Variants in TJP1 observed in about 807,000 individuals in gnomAD.
TJP1 encodes the protein tight junction protein 1, also known as tight junction protein ZO-1.
In TJP1, 43 loss-of-function variants were observed where a neutral mutation model predicts 194.2. That is an observed-to-expected ratio of 0.22 (90% confidence interval 0.17 to 0.29). The LOEUF is 0.29. Ranked by LOEUF, TJP1 falls within the 10% of genes least tolerant of loss-of-function variation. TJP1 has a pLI of 1.00. For synonymous variants in TJP1, 801 were observed against 779.0 expected (o/e 1.03, Z -0.47); for missense variants, 1,971 against 2,185.7 (o/e 0.90, Z 1.96).
intron 6 of TJP1, 103 bp downstream of exon 6, chr15:29,762,232 A>T: frequency 1.1e-6 from 1 of 905,722 alleles, no homozygotes. Flanking sequence ...CTGATTTTTA[A>T]TTCTCTTTGG....
intron 18 of TJP1, 105 bp from the exon 19 acceptor site, chr15:29,720,813 C>G: frequency 1.1e-6 from 1 of 913,680 alleles, no homozygotes; most frequent in Non-Finnish European, 1.6e-6. Context: ...CTGGAGAAGT[C>G]ACATCTACTT....
At chr15:29,907,796 G>A (rs1237321271) in intron 2 of TJP1, among the ~76,000 whole-genome samples, 5 of 151,656 alleles carry the variant, frequency 3.3e-5, no homozygotes, top group Non-Finnish European at 5.9e-5. Flanking sequence ...AGGTTCCCGC[G>A]ACCTCTTTTT....
intron 2 of TJP1, among the ~76,000 whole-genome samples, chr15:29,868,613 C>G (rs760808782): frequency 6.6e-6 from 1 of 151,952 alleles, no homozygotes; most frequent in African/African-American, 2.4e-5. Flanking sequence ...AAAAATAAAC[C>G]AAGAGAATGA....
intron 2 of TJP1, among the ~76,000 whole-genome samples, chr15:29,888,447 T>C (rs1341076885): frequency 2.0e-5 from 3 of 152,210 alleles, no homozygotes; most frequent in Admixed American, 2.0e-4. Context: ...AATGTATTAT[T>C]ACCATTTGTT....
rs187856886 is a variant in TJP1, at chr15:29,904,335, C to T, written c.306+51897G>A. On this transcript the variant is annotated intron_variant, in intron 2 of 28. Transcript: ENST00000356107. ...ATCCTTGTGAGAGACAAAGGTGGCT[C>T]GGATCACCAAGCAGTAGAGCAGGCA... Among the ~76,000 whole-genome samples the T allele has an allele frequency of 2.2e-3, 330 of 152,062 alleles. 1 individual carries two copies. Among genetic ancestry groups the T allele is most frequent in the African/African-American group, 7.5e-3 (313 of 41,484 alleles).
intron 8 of TJP1, among the ~76,000 whole-genome samples, chr15:29,747,415 C>T (rs1595737586): frequency 1.3e-5 from 2 of 152,110 alleles, no homozygotes; most frequent in South Asian, 2.1e-4. Context: ...TTGTGCTGTG[C>T]TCCTCAGATT....
At chr15:29,821,244 C>A (rs906765913) in intron 1 of TJP1, among the ~76,000 whole-genome samples, 1 of 152,118 alleles carries the variant, frequency 6.6e-6, no homozygotes, top group African/African-American at 2.4e-5. Context: ...TATTTCAGAG[C>A]ACATAGGAAA....
intron 8 of TJP1, among the ~76,000 whole-genome samples, chr15:29,749,230 G>A (rs2045072110): frequency 2.0e-5 from 3 of 151,572 alleles, no homozygotes; most frequent in Admixed American, 6.6e-5. Flanking sequence ...CTAGTTGAAA[G>A]CTCTAGACAA....
intron 2 of TJP1, among the ~76,000 whole-genome samples, chr15:29,795,085 T>C (rs762885949): frequency 3.3e-5 from 5 of 152,146 alleles, no homozygotes; most frequent in African/African-American, 4.8e-5. Flanking sequence ...AATGTTATAC[T>C]CATAATTTTA....
At chr15:29,844,035 G>A (rs527517263) in intron 2 of TJP1, among the ~76,000 whole-genome samples, 1 of 152,170 alleles carries the variant, frequency 6.6e-6, no homozygotes, top group Non-Finnish European at 1.5e-5. Context: ...CAGAGCACCA[G>A]AGTGACTGTT....
At chr15:29,853,570 AGAT>A (rs1325606211) in intron 2 of TJP1, among the ~76,000 whole-genome samples, 2 of 152,228 alleles carry the variant, frequency 1.3e-5, no homozygotes, top group Non-Finnish European at 2.9e-5. Flanking sequence ...AAAATATTAA[AGAT>A]GATGTGAACA....
chr15:29,733,463 C>A, intron 12 of TJP1, 150 bp from the exon 13 acceptor site: 2 of 650,514 alleles, frequency 3.1e-6, no homozygotes, highest in Non-Finnish European at 2.6e-6. Flanking sequence ...TTCATGTATT[C>A]ATCACTGTAA....
intron 2 of TJP1, among the ~76,000 whole-genome samples, chr15:29,886,332 G>A (rs1281879939): frequency 6.6e-6 from 1 of 151,506 alleles, no homozygotes; most frequent in South Asian, 2.1e-4. Context: ...TCAGATTCAG[G>A]CCAATGTTAA....
intron 8 of TJP1, chr15:29,760,413 T>A (rs995074294): frequency 1.7e-6 from 1 of 600,666 alleles, no homozygotes; most frequent in East Asian, 2.9e-5. Flanking sequence ...TTCCGCTCTG[T>A]CACCAAGGCT....
intron 1 of TJP1, among the ~76,000 whole-genome samples, chr15:29,807,738 A>G (rs913379371): frequency 2.0e-5 from 3 of 152,164 alleles, no homozygotes; most frequent in African/African-American, 7.2e-5. Flanking sequence ...ACCACACTAA[A>G]GAAGAGTTTA....
chr15:29,737,521 C>T (rs1411647737), intron 10 of TJP1, 107 bp from the exon 11 acceptor site: 10 of 1,247,208 alleles, frequency 8.0e-6, no homozygotes, highest in Non-Finnish European at 1.1e-5. Context: ...ACCATCATTT[C>T]TAAAACTTCT....
chr15:29,732,362 G>T, intron 15 of TJP1, 71 bp downstream of exon 15: 1 of 1,276,418 alleles, frequency 7.8e-7, no homozygotes, highest in Non-Finnish European at 1.1e-6. Context: ...TATTGAATGA[G>T]TGAATCAGAA....
chr15:29,730,644 C>T (rs933275232), intron 15 of TJP1: 28 of 676,536 alleles, frequency 4.1e-5, no homozygotes, highest in African/African-American at 2.5e-4. Context: ...GAACGACCCC[C>T]GGACCGACCA....
chr15:29,897,672 C>A (rs1488961680), intron 2 of TJP1, among the ~76,000 whole-genome samples: 1 of 152,188 alleles, frequency 6.6e-6, no homozygotes, highest in African/African-American at 2.4e-5. Context: ...GCCACAGGGA[C>A]AGAGCTGCCC....
Sources: gnomAD v4.1 joint callset for allele counts (sites outside exome capture counted in the v4.1 genomes callset) on GRCh38, gnomAD v4.1.1 for gene constraint, MANE v1.5 for transcripts, NCBI Gene and HGNC (gene_info 2026-07-23, HGNC 2026-07-21) for gene names.